The following GRB10 variants were observed in gnomAD, a reference collection of about 807,000 sequenced individuals.
The protein encoded by GRB10 is growth factor receptor bound protein 10, also known as growth factor receptor-bound protein 10.
Under a neutral mutation model 80.9 loss-of-function variants are expected in GRB10, and 20 were observed. The ratio of observed to expected loss-of-function variants is 0.25; its 90% CI spans 0.17 to 0.36. The LOEUF (loss-of-function observed/expected upper bound fraction) is 0.36. GRB10 is among the 10% of genes least tolerant of loss of function. GRB10 has a pLI of 1.00. For missense variants in GRB10, 548 were observed against 747.7 expected, an observed-to-expected ratio of 0.73 and a Z score of 3.12; for synonymous variants, 291 against 291.5, an observed-to-expected ratio of 1.00 and a Z score of 0.02.
chr7:50,609,748 G>C (rs2049176361), intron 13 of GRB10, among the ~76,000 whole-genome samples: 1 of 152,166 alleles, frequency 6.6e-6, no homozygotes, highest in African/African-American at 2.4e-5. Flanking sequence ...ATAAATAATT[G>C]TTGCAAAGTT....
At chr7:50,594,410 A>G (rs1349306688) in intron 18 of GRB10, among the ~76,000 whole-genome samples, 1 of 152,210 alleles carries the variant, frequency 6.6e-6, no homozygotes, top group Non-Finnish European at 1.5e-5. Flanking sequence ...ACGATTCTTG[A>G]GATCATAACA....
chr7:50,691,522 C>T (rs917102001), intron 5 of GRB10, among the ~76,000 whole-genome samples: 3 of 152,174 alleles, frequency 2.0e-5, no homozygotes, highest in Non-Finnish European at 4.4e-5. Context: ...TAGGAACCTA[C>T]TACTATAGCT....
chr7:50,626,711 T>G (rs1414705923), intron 8 of GRB10, 111 bp downstream of exon 8: 4 of 1,243,970 alleles, frequency 3.2e-6, no homozygotes, highest in Non-Finnish European at 3.5e-6. Context: ...GACTGCCTGC[T>G]AATTTCGCAG....
At chr7:50,623,318 ACAGAC>A (rs1332968129) in intron 8 of GRB10, among the ~76,000 whole-genome samples, 1 of 152,176 alleles carries the variant, frequency 6.6e-6, no homozygotes. Context: ...GAATCATAAA[ACAGAC>A]CATCATTCAC....
chr7:50,705,354 C>A (rs2064890652), intron 4 of GRB10: 1 of 938,530 alleles, frequency 1.1e-6, no homozygotes, highest in Non-Finnish European at 1.3e-6. Context: ...CGAACAAAGC[C>A]CTAAGGAAGG....
intron 14 of GRB10, among the ~76,000 whole-genome samples, chr7:50,606,096 T>A (rs2048468280): frequency 6.6e-6 from 1 of 152,120 alleles, no homozygotes; most frequent in South Asian, 2.1e-4. Flanking sequence ...AGCCACCTAC[T>A]TACACAACCC....
intron 7 of GRB10, among the ~76,000 whole-genome samples, chr7:50,636,194 G>T (rs1360250205): frequency 1.3e-5 from 2 of 151,956 alleles, no homozygotes; most frequent in Non-Finnish European, 2.9e-5. Context: ...GGCCAGGCTG[G>T]TCTCGAACTC....
At chr7:50,776,524 G>A (rs942498668) in intron 2 of GRB10, among the ~76,000 whole-genome samples, 2 of 152,054 alleles carry the variant, frequency 1.3e-5, no homozygotes, top group Non-Finnish European at 2.9e-5. Flanking sequence ...CCCAGCCTCT[G>A]CTTCCCTTTG....
intron 13 of GRB10, among the ~76,000 whole-genome samples, chr7:50,608,964 C>CAAAAAAAAAAAAAAA (rs60832218): frequency 1.0e-5 from 1 of 100,360 alleles, no homozygotes. Context: ...GACCCTGACT[C>CAAAAAAAAAAAAAAA]AAAAAAAAAA....
At chr7:50,749,824 G>GC (rs2073801129) in intron 3 of GRB10, among the ~76,000 whole-genome samples, 1 of 152,142 alleles carries the variant, frequency 6.6e-6, no homozygotes, top group African/African-American at 2.4e-5. Flanking sequence ...CCGTCTTTGG[G>GC]CCCACAGCTC....
intron 7 of GRB10, chr7:50,645,756 CCAAT>C (rs2057085093): frequency 5.9e-6 from 2 of 339,838 alleles, no homozygotes; most frequent in African/African-American, 2.2e-5. Context: ...ACAGAAACAG[CCAAT>C]CAAAGTGATA....
At chr7:50,708,180 T>G (rs1323504343) in intron 4 of GRB10, among the ~76,000 whole-genome samples, 3 of 152,246 alleles carry the variant, frequency 2.0e-5, no homozygotes, top group African/African-American at 7.2e-5. Context: ...CCTCAAACAC[T>G]GTTAAAATCT....
chr7:50,635,777 C>T (rs1586081990), intron 7 of GRB10, among the ~76,000 whole-genome samples: 1 of 151,636 alleles, frequency 6.6e-6, no homozygotes, highest in Non-Finnish European at 1.5e-5. Flanking sequence ...ACTAAAAAAC[C>T]TAGAGGAAAT....
chr7:50,691,707 T>C (rs964874830), intron 5 of GRB10, among the ~76,000 whole-genome samples: 1 of 152,202 alleles, frequency 6.6e-6, no homozygotes, highest in African/African-American at 2.4e-5. Context: ...AAATAAAATA[T>C]GGGCATTAGT....
At chr7:50,638,905 T>A (rs2153604308) in intron 7 of GRB10, among the ~76,000 whole-genome samples, 1 of 152,316 alleles carries the variant, frequency 6.6e-6, no homozygotes, top group South Asian at 2.1e-4. Flanking sequence ...TAGTATGTAG[T>A]CATAAAAAAG....
chr7:50,779,074 G>C (rs1250023978), intron 2 of GRB10: 1 of 152,180 alleles, frequency 6.6e-6, no homozygotes, highest in Non-Finnish European at 1.5e-5. Flanking sequence ...CTAATCACTA[G>C]AAAATTCTTG....
At chr7:50,615,342 G>A (rs2050400949) in intron 11 of GRB10, among the ~76,000 whole-genome samples, 1 of 152,210 alleles carries the variant, frequency 6.6e-6, no homozygotes, top group Middle Eastern at 3.4e-3. Context: ...CCTGCTCTAC[G>A]AAATACCCTC....
At chr7:50,614,606 A>T (rs2050190594) in intron 12 of GRB10, among the ~76,000 whole-genome samples, 164 bp downstream of exon 12, 1 of 141,848 alleles carries the variant, frequency 7.0e-6, no homozygotes, top group Non-Finnish European at 1.6e-5. Context: ...GACTGATAGC[A>T]GCAAGTGTAC....
At chr7:50,785,480 G>T (rs2078654142), upstream of GRB10, among the ~76,000 whole-genome samples, 1 of 152,258 alleles carries the variant, frequency 6.6e-6, no homozygotes, top group African/African-American at 2.4e-5. Flanking sequence ...CTGCAGGGAT[G>T]TAGCCCAGAT....
Sources: allele counts gnomAD v4.1 joint callset (sites outside exome capture counted in the v4.1 genomes callset), GRCh38; gene constraint gnomAD v4.1.1; transcripts MANE v1.5; gene names NCBI Gene and HGNC (gene_info 2026-07-23, HGNC 2026-07-21).